B3GALT1: variants seen among roughly 807,000 people sequenced by gnomAD.
B3GALT1 encodes the protein UDP-Gal:betaGlcNAc beta 1,3-galactosyltransferase, polypeptide 1.
B3GALT1 carries 10 observed loss-of-function variants against 23.2 expected under a neutral mutation model. That is an observed-to-expected ratio of 0.43 (90% confidence interval 0.27 to 0.73). The LOEUF (loss-of-function observed/expected upper bound fraction) is 0.73, where lower values mean the gene tolerates loss of function less well. B3GALT1 is among the 30% of genes least tolerant of loss of function. The pLI, the probability that B3GALT1 is intolerant of heterozygous loss-of-function variation, is 0.21. For missense variants in B3GALT1, 299 were observed against 405.4 expected, an observed-to-expected ratio of 0.74 and a Z score of 2.25; for synonymous variants, 156 against 141.5, an observed-to-expected ratio of 1.10 and a Z score of -0.73.
intron 1 of B3GALT1, among the ~76,000 whole-genome samples, chr2:167,380,647 C>T (rs540756675): frequency 6.6e-6 from 1 of 152,104 alleles, no homozygotes; most frequent in Admixed American, 6.5e-5. Context: ...TCTGGGAAAA[C>T]GTCTGTAGTG....
intron 3 of B3GALT1, among the ~76,000 whole-genome samples, chr2:167,649,306 A>C (rs766989388): frequency 6.6e-6 from 1 of 152,092 alleles, no homozygotes; most frequent in Non-Finnish European, 1.5e-5. Flanking sequence ...TATTGAGGCA[A>C]AATTCATATA....
chr2:167,546,157 C>T (rs987298043), intron 2 of B3GALT1, among the ~76,000 whole-genome samples: 5 of 152,110 alleles, frequency 3.3e-5, no homozygotes, highest in Non-Finnish European at 1.5e-5. Context: ...TAGAACCAGG[C>T]AAATAAAGAG....
At chr2:167,534,645 C>A (rs1474629793) in intron 2 of B3GALT1, among the ~76,000 whole-genome samples, 3 of 152,132 alleles carry the variant, frequency 2.0e-5, no homozygotes, top group African/African-American at 4.8e-5. Flanking sequence ...TGAGCTGAGT[C>A]ATAAGCTACC....
intron 3 of B3GALT1, among the ~76,000 whole-genome samples, chr2:167,664,792 T>C (rs1479798315): frequency 6.6e-6 from 1 of 151,668 alleles, no homozygotes; most frequent in East Asian, 1.9e-4. Context: ...AGAATGCTTG[T>C]GATTTTTGTA....
intron 2 of B3GALT1, among the ~76,000 whole-genome samples, chr2:167,509,855 T>C (rs976313537): frequency 1.8e-4 from 27 of 152,290 alleles, no homozygotes; most frequent in African/African-American, 6.5e-4. Flanking sequence ...AGGAATGACG[T>C]GATCTGTTTA....
chr2:167,301,286 T>C (rs994494827), intron 1 of B3GALT1, among the ~76,000 whole-genome samples: 1 of 152,184 alleles, frequency 6.6e-6, no homozygotes, highest in Non-Finnish European at 1.5e-5. Flanking sequence ...TTGAAGCTTA[T>C]AGAATCAAAA....
At chr2:167,763,018 G>A (rs567943035) in intron 3 of B3GALT1, among the ~76,000 whole-genome samples, 19 of 152,212 alleles carry the variant, frequency 1.2e-4, no homozygotes, top group East Asian at 3.9e-4. Flanking sequence ...GGAAAAGTAC[G>A]TCTATTTGAA....
At chr2:167,457,544 G>C (rs556895961) in intron 1 of B3GALT1, among the ~76,000 whole-genome samples, 1 of 152,014 alleles carries the variant, frequency 6.6e-6, no homozygotes, top group African/African-American at 2.4e-5. Flanking sequence ...AAGGCAGAGA[G>C]AGTGACTTCC....
chr2:167,601,032 T>C (rs1184421629), intron 2 of B3GALT1, among the ~76,000 whole-genome samples: 1 of 152,052 alleles, frequency 6.6e-6, no homozygotes, highest in Non-Finnish European at 1.5e-5. Context: ...TCTTGACTTC[T>C]GTAAAGAACA....
chr2:167,778,197 A>C (rs1688193675), intron 3 of B3GALT1, among the ~76,000 whole-genome samples: 1 of 152,164 alleles, frequency 6.6e-6, no homozygotes, highest in African/African-American at 2.4e-5. Context: ...TAAGATAGTA[A>C]GAAGGTTTTC....
intron 2 of B3GALT1, among the ~76,000 whole-genome samples, chr2:167,569,520 C>T (rs1438079125): frequency 6.6e-6 from 1 of 151,840 alleles, no homozygotes; most frequent in South Asian, 2.1e-4. Flanking sequence ...TATGGTAAAG[C>T]AATTGACTTT....
At position 167,871,480 on chromosome 2, in the gene B3GALT1, T is replaced by A. The variant is rs991511409; in HGVS notation, c.*1460T>A. The A allele has an allele frequency of 6.6e-6, 1 of 152,164 alleles. No homozygotes were observed. Among genetic ancestry groups the A allele is most frequent in the African/African-American group, 2.4e-5 (1 of 41,450 alleles). 9.4% of individuals were successfully genotyped at this position (152,164 alleles called of 1,614,324 possible). The stretch of plus-strand genomic sequence containing the variant: ...CACCTAATTCTACCAAGGCTTGACT[T>A]TTCCTTGGCTGTAATTTAGGTGTTT... On this transcript the variant is annotated 3_prime_UTR_variant, in exon 5 of 5. Coordinates refer to ENST00000392690, the MANE Select transcript of B3GALT1 (RefSeq NM_020981.4).
chr2:167,353,316 G>A (rs2105257291), intron 1 of B3GALT1, among the ~76,000 whole-genome samples: 1 of 152,248 alleles, frequency 6.6e-6, no homozygotes, highest in Admixed American at 6.5e-5. Context: ...TAACAGCCAG[G>A]GTTCCAAGAG....
chr2:167,731,082 C>T (rs1475467599), intron 3 of B3GALT1, among the ~76,000 whole-genome samples: 1 of 152,142 alleles, frequency 6.6e-6, no homozygotes, highest in Non-Finnish European at 1.5e-5. Context: ...CTCCAGCGAG[C>T]ATACTCCTAA....
At position 167,870,036 on chromosome 2, in the gene B3GALT1, A is replaced by G; in HGVS notation, c.*16A>G. On this transcript the variant is annotated 3_prime_UTR_variant, in exon 5 of 5. Coordinates refer to ENST00000392690, the MANE Select transcript of B3GALT1 (RefSeq NM_020981.4). ...CAGATGTTAGGATTTTTACCAATGT[A>G]AATATGTTTCTTTTCTTTTTTTAAG... is the stretch of plus-strand genomic sequence containing the variant. 2 of 1,562,902 alleles carry G rather than the reference A, an allele frequency of 1.3e-6. No homozygotes were observed. Among genetic ancestry groups the G allele is most frequent in the Non-Finnish European group, 1.7e-6 (2 of 1,153,152 alleles).
intron 4 of B3GALT1, among the ~76,000 whole-genome samples, chr2:167,835,834 C>A (rs1350119338): frequency 6.6e-6 from 1 of 152,200 alleles, no homozygotes; most frequent in African/African-American, 2.4e-5. Context: ...ACAAAACTTC[C>A]AGAGGAACGA....
intron 1 of B3GALT1, among the ~76,000 whole-genome samples, chr2:167,456,557 A>G (rs1699176184): frequency 6.6e-6 from 1 of 152,228 alleles, no homozygotes; most frequent in African/African-American, 2.4e-5. Context: ...TTCAAAGACC[A>G]GTTGCAAATA....
rs141427012 is a variant in B3GALT1 at position 167,328,974 on chromosome 2, G to T, written c.-511+35640G>T. Among the ~76,000 whole-genome samples the T allele has an allele frequency of 2.3e-3, 343 of 152,084 alleles. 1 individual carries two copies. Among genetic ancestry groups the T allele is most frequent in the Non-Finnish European group, 3.2e-3 (217 of 67,984 alleles). ...TCTACAGGGGCGCACCACCACGCCT[G>T]GCTGATTTTTGTATTTTTAGTAGAG... On this transcript the variant is annotated intron_variant, in intron 1 of 4. Coordinates refer to ENST00000392690, the MANE Select transcript of B3GALT1 (RefSeq NM_020981.4).
intron 3 of B3GALT1, among the ~76,000 whole-genome samples, chr2:167,695,667 A>T (rs1300133242): frequency 1.3e-5 from 2 of 152,172 alleles, no homozygotes; most frequent in Non-Finnish European, 2.9e-5. Context: ...CCACTTGATG[A>T]ATTCTTTCAG....
Sources: gnomAD v4.1 joint callset for allele counts (sites outside exome capture counted in the v4.1 genomes callset) on GRCh38, gnomAD v4.1.1 for gene constraint, MANE v1.5 for transcripts, NCBI Gene and HGNC (gene_info 2026-07-23, HGNC 2026-07-21) for gene names.